The following TPH2 variants were observed in gnomAD, a reference collection of about 807,000 sequenced individuals.
TPH2 encodes the protein tryptophan 5-hydroxylase 2.
A neutral mutation model predicts 59.1 loss-of-function variants in TPH2; 27 were observed. That is an observed-to-expected ratio of 0.46 (90% CI 0.34 to 0.63). The LOEUF (loss-of-function observed/expected upper bound fraction) is 0.63, where lower values mean the gene tolerates loss of function less well. Ranked by LOEUF, TPH2 falls within the 30% of genes least tolerant of loss-of-function variation. The probability of loss-of-function intolerance (pLI) is 0.01; values close to 1 mark genes in which losing one functional copy is unlikely to be tolerated. For missense variants in TPH2, 523 were observed against 588.3 expected (o/e 0.89, Z 1.15); for synonymous variants, 220 against 210.5 (o/e 1.05, Z -0.39).
At chr12:71,986,379 A>C (rs550601342) in intron 7 of TPH2, among the ~76,000 whole-genome samples, 9 of 152,142 alleles carry the variant, frequency 5.9e-5, no homozygotes, top group Non-Finnish European at 8.8e-5. Context: ...TTTCAATCAT[A>C]ATATTGTGTC....
Position 72,022,514 on chromosome 12 carries a change from A to C in TPH2, c.1164+20A>C. 1 of 1,548,352 alleles carries C rather than the reference A, an allele frequency of 6.5e-7. No individual in the cohort carries two copies. The highest frequency in any genetic ancestry group is 1.7e-4 in the Middle Eastern group (1 of 5,952). On this transcript the variant is annotated intron_variant, in intron 9 of 10. Coordinates refer to ENST00000333850, the MANE Select transcript of TPH2 (RefSeq NM_173353.4). ...TTAAAGGTATGAAGCTGTGAATGAA[A>C]ATACCCTTCCCATGCAAACTGGTTC... is the stretch of plus-strand genomic sequence containing the variant.
At chr12:71,975,421 G>A (rs1184484244) in intron 6 of TPH2, among the ~76,000 whole-genome samples, 1 of 152,092 alleles carries the variant, frequency 6.6e-6, no homozygotes, top group Non-Finnish European at 1.5e-5. Context: ...GGCTGGATTT[G>A]GCCTCCAGGT....
intron 7 of TPH2, among the ~76,000 whole-genome samples, chr12:71,985,421 C>T (rs976642734): frequency 2.0e-5 from 3 of 152,102 alleles, no homozygotes; most frequent in South Asian, 2.1e-4. Flanking sequence ...TTTTTTGAGA[C>T]GGAGTCCCAC....
chr12:72,019,436 C>A (rs982436964), intron 8 of TPH2, among the ~76,000 whole-genome samples: 1 of 152,152 alleles, frequency 6.6e-6, no homozygotes, highest in Non-Finnish European at 1.5e-5. Flanking sequence ...TGCTGTCCCC[C>A]CTTCTAGGAA....
chr12:71,947,207 C>A (rs1371740895), intron 4 of TPH2, among the ~76,000 whole-genome samples: 1 of 152,094 alleles, frequency 6.6e-6, no homozygotes, highest in East Asian at 1.9e-4. Context: ...GCTTTCCATT[C>A]ACATCACATG....
intron 8 of TPH2, among the ~76,000 whole-genome samples, chr12:72,007,952 T>C (rs1872999264): frequency 6.6e-6 from 1 of 152,186 alleles, no homozygotes; most frequent in Non-Finnish European, 1.5e-5. Flanking sequence ...TTATGGCCCA[T>C]TCATTTATTC....
At chr12:71,967,224 A>T (rs1285740990) in intron 5 of TPH2, among the ~76,000 whole-genome samples, 1 of 151,830 alleles carries the variant, frequency 6.6e-6, no homozygotes, top group East Asian at 1.9e-4. Context: ...TGCACTTTCC[A>T]CTCCTTCTTC....
intron 9 of TPH2, among the ~76,000 whole-genome samples, chr12:72,028,730 G>T (rs1284497579): frequency 6.6e-6 from 1 of 152,168 alleles, no homozygotes; most frequent in Non-Finnish European, 1.5e-5. Context: ...CATACTCCAT[G>T]GGTGGAAAGG....
intron 7 of TPH2, among the ~76,000 whole-genome samples, chr12:71,985,212 G>A (rs962213036): frequency 6.6e-6 from 1 of 152,212 alleles, no homozygotes; most frequent in African/African-American, 2.4e-5. Flanking sequence ...GTAAGTACGT[G>A]AGTCAGGGTT....
At chr12:71,948,973 C>A (rs1871274197) in intron 4 of TPH2, among the ~76,000 whole-genome samples, 1 of 151,874 alleles carries the variant, frequency 6.6e-6, no homozygotes, top group Non-Finnish European at 1.5e-5. Flanking sequence ...TTGAAGTTGG[C>A]TAAGACTAAC....
intron 8 of TPH2, among the ~76,000 whole-genome samples, chr12:71,996,899 TCTC>T (rs1232452725): frequency 1.3e-5 from 2 of 152,232 alleles, no homozygotes; most frequent in African/African-American, 2.4e-5. Context: ...GTGACAATGT[TCTC>T]CTCACTTTTT....
intron 7 of TPH2, among the ~76,000 whole-genome samples, chr12:71,981,661 G>A (rs974434528): frequency 6.6e-6 from 1 of 152,084 alleles, no homozygotes; most frequent in Non-Finnish European, 1.5e-5. Flanking sequence ...GGGAAGCTGA[G>A]TGGAAAGTCA....
chr12:72,000,791 T>C (rs895084321), intron 8 of TPH2, among the ~76,000 whole-genome samples: 10 of 152,228 alleles, frequency 6.6e-5, no homozygotes, highest in African/African-American at 2.4e-4. Flanking sequence ...ATGTCATTGC[T>C]TCTGTTTTGT....
At chr12:71,961,757 C>T (rs1290086724) in intron 5 of TPH2, 3 of 1,325,734 alleles carry the variant, frequency 2.3e-6, no homozygotes, top group Non-Finnish European at 3.0e-6. Context: ...GGACTTTCTG[C>T]AAGGTGAGAA....
chr12:71,997,759 CA>C (rs1454807573), intron 8 of TPH2, among the ~76,000 whole-genome samples: 1 of 141,078 alleles, frequency 7.1e-6, no homozygotes, highest in Non-Finnish European at 1.6e-5. Context: ...GAGGTAGGGA[CA>C]GGGGGAAAAA....
At chr12:72,016,422 T>C (rs544727310) in intron 8 of TPH2, among the ~76,000 whole-genome samples, 10 of 152,242 alleles carry the variant, frequency 6.6e-5, no homozygotes, top group African/African-American at 2.4e-4. Flanking sequence ...GTTTGGAAGC[T>C]ACGTAACTAA....
chr12:71,966,487 G>A (rs1871822766), intron 5 of TPH2, among the ~76,000 whole-genome samples: 1 of 152,154 alleles, frequency 6.6e-6, no homozygotes. Flanking sequence ...AATCAAGACA[G>A]AAACACCAAA....
At chr12:71,981,741 G>A (rs1872282843) in intron 7 of TPH2, among the ~76,000 whole-genome samples, 1 of 151,708 alleles carries the variant, frequency 6.6e-6, no homozygotes, top group Non-Finnish European at 1.5e-5. Flanking sequence ...AAGAGGGAGG[G>A]AAGAGGAGGA....
intron 8 of TPH2, among the ~76,000 whole-genome samples, chr12:72,020,444 G>GT (rs1313698662): frequency 6.6e-6 from 1 of 152,164 alleles, no homozygotes; most frequent in African/African-American, 2.4e-5. Context: ...AGGAGTGGTA[G>GT]TAAGTGCTGT....
Sources: gnomAD v4.1 joint callset for allele counts (sites outside exome capture counted in the v4.1 genomes callset) on GRCh38, gnomAD v4.1.1 for gene constraint, MANE v1.5 for transcripts, NCBI Gene and HGNC (gene_info 2026-07-23, HGNC 2026-07-21) for gene names.